The following CNTN6 variants were observed in gnomAD, a reference collection of about 807,000 sequenced individuals.
CNTN6 encodes contactin 6.
A neutral mutation model predicts 122.8 loss-of-function variants in CNTN6; 137 were observed. That is an observed-to-expected ratio of 1.12 (90% CI 0.97 to 1.29). CNTN6 has a LOEUF of 1.29. Among genes scored for constraint, CNTN6 ranks in the 50% most tolerant of loss-of-function variants. The pLI is 0.00. For missense variants in CNTN6, 1,634 were observed against 1,223.4 expected, an observed-to-expected ratio of 1.34 and a Z score of -5.01; for synonymous variants, 570 against 426.0, an observed-to-expected ratio of 1.34 and a Z score of -4.16.
At chr3:1,094,775 G>A (rs898185868) in intron 1 of CNTN6, among the ~76,000 whole-genome samples, 2 of 151,468 alleles carry the variant, frequency 1.3e-5, no homozygotes, top group Non-Finnish European at 1.5e-5. Context: ...TTTTTTTTTA[G>A]TAAGTAAAAA....
Position 1,160,365 on chromosome 3 carries a change from T to TATATATATATATATATATATATAC in CNTN6, c.55+12305_55+12306insTATATATATATATATATATACATA, listed in dbSNP as rs1486849078. 3.1e-3 allele frequency among the ~76,000 whole-genome samples: 411 copies of TATATATATATATATATATATATAC among 133,182 alleles called. 10 individuals are homozygous for TATATATATATATATATATATATAC. Among genetic ancestry groups the TATATATATATATATATATATATAC allele is most frequent in the African/African-American group, 0.012 (397 of 34,328 alleles). 87.4% of individuals were successfully genotyped at this position (133,182 alleles called of 152,430 possible). On this transcript the variant is annotated intron_variant, in intron 2 of 22. Coordinates refer to ENST00000446702, the MANE Select transcript of CNTN6 (RefSeq NM_001289080.2). ...TACTGTATATATATATATATATATATATACACACTACCTATATGGTCATTT... is the reference window on the plus strand; with the variant it reads ...TACTGTATATATATATATATATATATATATATATATATATATATATATACATACACACTACCTATATGGTCATTT...
intron 2 of CNTN6, among the ~76,000 whole-genome samples, chr3:1,206,110 A>C (rs998248107): frequency 6.6e-6 from 1 of 152,156 alleles, no homozygotes; most frequent in Non-Finnish European, 1.5e-5. Flanking sequence ...GGTACTCTGC[A>C]ATCTTTCCAT....
chr3:1,279,010 A>G (rs560867204), intron 5 of CNTN6, among the ~76,000 whole-genome samples: 1 of 152,314 alleles, frequency 6.6e-6, no homozygotes, highest in South Asian at 2.1e-4. Context: ...CTACGTTTTT[A>G]TTTTTGGGCT....
intron 11 of CNTN6, 60 bp from the exon 12 acceptor site, chr3:1,352,264 A>ACCC: frequency 7.3e-7 from 1 of 1,370,640 alleles, no homozygotes; most frequent in Non-Finnish European, 9.7e-7. Context: ...AAAAATAAGC[A>ACCC]CTTATGATTT....
chr3:1,289,667 T>G (rs925649764), intron 5 of CNTN6, among the ~76,000 whole-genome samples: 3 of 102,678 alleles, frequency 2.9e-5, no homozygotes, highest in African/African-American at 4.5e-5. Flanking sequence ...TTTTGTTTTG[T>G]TTTTTTGGGT....
intron 4 of CNTN6, among the ~76,000 whole-genome samples, chr3:1,243,362 G>C (rs990119939): frequency 1.3e-5 from 2 of 152,172 alleles, no homozygotes; most frequent in Non-Finnish European, 2.9e-5. Context: ...TGTGGCTGGG[G>C]TTTGTGTCAC....
At chr3:1,130,731 C>T (rs2092314168) in intron 1 of CNTN6, among the ~76,000 whole-genome samples, 1 of 152,188 alleles carries the variant, frequency 6.6e-6, no homozygotes, top group East Asian at 1.9e-4. Flanking sequence ...ATGAAGACAA[C>T]AATGTTTGAT....
chr3:1,280,925 T>G (rs1693298988), intron 5 of CNTN6, among the ~76,000 whole-genome samples: 1 of 152,144 alleles, frequency 6.6e-6, no homozygotes, highest in African/African-American at 2.4e-5. Context: ...GCCATGAGCA[T>G]TTGTCCAATG....
rs1360538941 is a variant in CNTN6, at chr3:1,306,778, C to T, written c.761+8787C>T. Among the ~76,000 whole-genome samples the T allele has an allele frequency of 1.3e-5, 2 of 152,166 alleles. 1 individual carries two copies. The highest frequency in any genetic ancestry group is 4.1e-4 in the South Asian group (2 of 4,828). The stretch of plus-strand genomic sequence containing the variant: ...TTATTAATCCTGGGAATTGTCAAAG[C>T]TGCTTTGACTGAGGAGGTAAAAAGG... On this transcript the variant is annotated intron_variant, in intron 7 of 22. Coordinates refer to ENST00000446702, the MANE Select transcript of CNTN6 (RefSeq NM_001289080.2).
At chr3:1,395,047 T>A (rs1694817991) in intron 20 of CNTN6, among the ~76,000 whole-genome samples, 2 of 152,144 alleles carry the variant, frequency 1.3e-5, no homozygotes, top group Admixed American at 6.5e-5. Context: ...AGATATCTAG[T>A]TTCAATAGCT....
intron 4 of CNTN6, among the ~76,000 whole-genome samples, chr3:1,230,497 T>C (rs1429424704): frequency 1.3e-5 from 2 of 152,218 alleles, no homozygotes; most frequent in East Asian, 1.9e-4. Flanking sequence ...GAGTTTCTTA[T>C]GGAAACTCTC....
At chr3:1,329,223 G>A (rs1701950712) in intron 10 of CNTN6, among the ~76,000 whole-genome samples, 1 of 149,398 alleles carries the variant, frequency 6.7e-6, no homozygotes, top group Admixed American at 6.6e-5. Context: ...GTATATATAT[G>A]GATACACATG....
In CNTN6 at chr3:1,354,373, A is replaced by C. The variant is rs1466734498; in HGVS notation, c.1492+1922A>C. Reference sequence around the variant, plus strand: ...AATCAAGATAGCTCAGTTAACAAAAAAAAAAAAAAAAGCCTGACTTACATT... The same window carrying C: ...AATCAAGATAGCTCAGTTAACAAAACAAAAAAAAAAAGCCTGACTTACATT... On this transcript the variant is annotated intron_variant, in intron 12 of 22. Transcript: ENST00000446702. Among the ~76,000 whole-genome samples the C allele has an allele frequency of 1.2e-4, 18 of 151,136 alleles. 1 individual carries two copies. Among genetic ancestry groups the C allele is most frequent in the South Asian group, 1.0e-3 (5 of 4,820 alleles).
intron 1 of CNTN6, among the ~76,000 whole-genome samples, chr3:1,133,883 CA>C (rs1468370939): frequency 1.3e-5 from 2 of 152,188 alleles, no homozygotes; most frequent in Non-Finnish European, 2.9e-5. Context: ...AAGACTGAAG[CA>C]AAGGCAGTAT....
chr3:1,277,705 T>C (rs7648655), intron 4 of CNTN6, among the ~76,000 whole-genome samples: 1,961 of 152,218 alleles, frequency 0.013, 45 homozygotes, highest in African/African-American at 0.044. Context: ...AATGAAAGGA[T>C]TTTACAGGTA....
rs372346809 is a variant in CNTN6, at chr3:1,221,343, G to A, written c.182+530G>A. On this transcript the variant is annotated intron_variant, in intron 3 of 22. Coordinates refer to ENST00000446702, the MANE Select transcript of CNTN6 (RefSeq NM_001289080.2). ...GCATTTCCCACCCCTGCCTCAATGCGGAACTGCAGCCTCAGTTGCTGCATA... is the reference window on the plus strand; with the variant it reads ...GCATTTCCCACCCCTGCCTCAATGCAGAACTGCAGCCTCAGTTGCTGCATA... Among the ~76,000 whole-genome samples, 12 of 152,260 alleles carry A rather than the reference G, an allele frequency of 7.9e-5. No individual in the cohort carries two copies. The East Asian group carries it at 2.1e-3, about 27-fold the overall frequency.
chr3:1,272,796 A>G (rs955484029), intron 4 of CNTN6, among the ~76,000 whole-genome samples: 1 of 152,126 alleles, frequency 6.6e-6, no homozygotes. Context: ...CTTGGCAGCA[A>G]ATGTACAGTT....
At chr3:1,318,594 G>A (rs1391921) in intron 7 of CNTN6, among the ~76,000 whole-genome samples, 1 of 151,728 alleles carries the variant, frequency 6.6e-6, no homozygotes, top group African/African-American at 2.4e-5. Flanking sequence ...GGGCAGGGAA[G>A]AGATAGTAGC....
intron 4 of CNTN6, among the ~76,000 whole-genome samples, chr3:1,252,195 T>C (rs926054462): frequency 1.3e-5 from 2 of 152,212 alleles, no homozygotes; most frequent in African/African-American, 4.8e-5. Context: ...TTTTAAAATC[T>C]GCCAACAATC....
Sources: gnomAD v4.1 joint callset for allele counts (sites outside exome capture counted in the v4.1 genomes callset) on GRCh38, gnomAD v4.1.1 for gene constraint, MANE v1.5 for transcripts, NCBI Gene and HGNC (gene_info 2026-07-23, HGNC 2026-07-21) for gene names.